Variants in NPR3 observed in about 807,000 individuals in gnomAD.
NPR3 encodes the protein atrial natriuretic peptide receptor 3.
A neutral mutation model predicts 54.5 loss-of-function variants in NPR3; 34 were observed. That is an observed-to-expected ratio of 0.62 (90% confidence interval 0.47 to 0.83). NPR3 has a LOEUF of 0.83. NPR3 is among the 40% of genes least tolerant of loss of function. The pLI, the probability that NPR3 is intolerant of heterozygous loss-of-function variation, is 0.00. For missense variants in NPR3, 674 were observed against 720.8 expected, an observed-to-expected ratio of 0.94 and a Z score of 0.74; for synonymous variants, 289 against 297.1, an observed-to-expected ratio of 0.97 and a Z score of 0.28.
In NPR3 at chr5:32,712,548, G is replaced by T; in HGVS notation, c.769+3G>T. On this transcript the variant is annotated splice_donor_region_variant and intron_variant, in intron 1 of 7. Coordinates refer to ENST00000265074, the MANE Select transcript of NPR3 (RefSeq NM_001204375.2). ...CAATATCCAGGCCAGTGAGAGAGGT[G>T]AGCAGGGGCGCGTCCCGGGCCCCGG... The T allele has an allele frequency of 6.6e-7, 1 of 1,506,964 alleles. No homozygotes were observed. Among genetic ancestry groups the T allele is most frequent in the South Asian group, 1.3e-5 (1 of 75,108 alleles). 93.3% of individuals were successfully genotyped at this position (1,506,964 alleles called of 1,614,324 possible).
chr5:32,694,960 T>G (rs1025970646), intron 1 of NPR3, among the ~76,000 whole-genome samples: 1 of 152,214 alleles, frequency 6.6e-6, no homozygotes, highest in Admixed American at 6.5e-5. Flanking sequence ...ATATTAAGTT[T>G]GTCTTTCCGT....
chr5:32,789,245 G>A lies in NPR3; in HGVS notation c.*2900G>A, dbSNP rs1037119771. The A allele has an allele frequency of 3.0e-6, 1 of 338,816 alleles. No individual in the cohort carries two copies. Among genetic ancestry groups the A allele is most frequent in the Non-Finnish European group, 5.9e-6 (1 of 168,382 alleles). The allele number at this position is 338,816 out of a possible 1,614,324, so 21.0% of individuals were successfully genotyped here. On this transcript the variant is annotated 3_prime_UTR_variant, in exon 8 of 8. Coordinates refer to ENST00000265074, the MANE Select transcript of NPR3 (RefSeq NM_001204375.2). ...AGATGCTTTTTGGTGTTGGAAATAA[G>A]TGTCTGTCTTATGGTCATCATTGTC...
At chr5:32,785,765 C>G (rs1742584966) in intron 7 of NPR3, among the ~76,000 whole-genome samples, 1 of 152,140 alleles carries the variant, frequency 6.6e-6, no homozygotes, top group Non-Finnish European at 1.5e-5. Context: ...GTGGCCCATT[C>G]CTTTGTAATC....
chr5:32,781,129 G>C (rs1446605672), intron 5 of NPR3, among the ~76,000 whole-genome samples: 3 of 152,052 alleles, frequency 2.0e-5, no homozygotes, highest in Non-Finnish European at 4.4e-5. Flanking sequence ...CTGAGGGGGA[G>C]TGGGAGGGTG....
intron 1 of NPR3, among the ~76,000 whole-genome samples, chr5:32,719,004 C>T (rs957860626): frequency 1.3e-5 from 2 of 152,084 alleles, no homozygotes; most frequent in Non-Finnish European, 1.5e-5. Context: ...ATAAATAGCT[C>T]TTAGTATTTT....
chr5:32,716,296 C>T, intron 1 of NPR3: 1 of 402,124 alleles, frequency 2.5e-6, no homozygotes. Context: ...CTCCTACTCT[C>T]CATTTTTCAC....
intron 1 of NPR3, among the ~76,000 whole-genome samples, chr5:32,703,915 A>C (rs1002046159): frequency 6.6e-6 from 1 of 152,216 alleles, no homozygotes; most frequent in African/African-American, 2.4e-5. Context: ...CGCCTAGCAC[A>C]GCACCAGGAC....
Position 32,790,575 on chromosome 5 carries a change from C to T in NPR3, c.*4230C>T, listed in dbSNP as rs940140418. ...TGTGATGTGCATAAACTCCAACAAG[C>T]CTGGCTTTGGTGTTCAGCATGCACA... On this transcript the variant is annotated 3_prime_UTR_variant, in exon 8 of 8. Coordinates refer to ENST00000265074, the MANE Select transcript of NPR3 (RefSeq NM_001204375.2). The T allele has an allele frequency of 6.0e-6, 1 of 166,640 alleles. No homozygotes were observed. Among genetic ancestry groups the T allele is most frequent in the Non-Finnish European group, 1.5e-5 (1 of 68,112 alleles). The allele number at this position is 166,640 out of a possible 1,614,324, so 10.3% of individuals were successfully genotyped here. A position where few individuals can be genotyped will look rare whatever the true frequency, so the allele number is the denominator to read the frequency against.
chr5:32,757,079 C>T (rs894639433), intron 3 of NPR3, among the ~76,000 whole-genome samples: 1 of 152,144 alleles, frequency 6.6e-6, no homozygotes, highest in Non-Finnish European at 1.5e-5. Flanking sequence ...ATTGTGTTGG[C>T]AATGCCAGCT....
chr5:32,782,994 T>C lies in NPR3; in HGVS notation c.1392T>C (p.Ile464=). ...PLKLRIDENR[I]VEHTNSSPCK... is the part of the protein sequence containing the mutation. Reference sequence around the variant, plus strand: ...AACTGAGAATAGATGAAAACCGAATTGTAGAGCATACAAACAGCTCTCCCT... The same window carrying C: ...AACTGAGAATAGATGAAAACCGAATCGTAGAGCATACAAACAGCTCTCCCT... Residue 464 remains isoleucine, a synonymous_variant, in exon 6 of 8, where the codon ATT becomes ATC. Transcript: ENST00000265074. 6.2e-7 allele frequency: 1 copy of C among 1,605,938 alleles called. No homozygotes were observed. Among genetic ancestry groups the C allele is most frequent in the Non-Finnish European group, 8.5e-7 (1 of 1,175,510 alleles).
At chr5:32,754,347 G>GT (rs144883985) in intron 3 of NPR3, among the ~76,000 whole-genome samples, 29,207 of 149,802 alleles carry the variant, frequency 0.19, 3,055 homozygotes, top group Middle Eastern at 0.28. Context: ...ATTGTAAAGG[G>GT]TTTTTTTTTT....
intron 3 of NPR3, among the ~76,000 whole-genome samples, chr5:32,741,764 G>A (rs755459061): frequency 3.4e-5 from 5 of 148,074 alleles, no homozygotes; most frequent in Non-Finnish European, 1.5e-5. Context: ...TTTTAGTGGG[G>A]CTTTTTCTTT....
At chr5:32,736,230 C>CAAAAAAAAAAAAAAAA (rs56211529) in intron 2 of NPR3, among the ~76,000 whole-genome samples, 3 of 65,378 alleles carry the variant, frequency 4.6e-5, no homozygotes, top group African/African-American at 1.6e-4. Flanking sequence ...CACTCTGTCT[C>CAAAAAAAAAAAAAAAA]AAAAAAAAAA....
intron 1 of NPR3, among the ~76,000 whole-genome samples, chr5:32,692,587 G>A (rs989261184): frequency 2.0e-5 from 3 of 152,196 alleles, no homozygotes; most frequent in African/African-American, 7.2e-5. Flanking sequence ...GAATTTTCCT[G>A]ATGTTTTTCT....
Position 32,775,485 on chromosome 5 carries a change from G to A in NPR3, c.1195+642G>A, listed in dbSNP as rs544924928. 3.9e-5 allele frequency among the ~76,000 whole-genome samples: 6 copies of A among 152,190 alleles called. No individual in the cohort carries two copies. The East Asian group carries it at 5.8e-4, about 15-fold the overall frequency. On this transcript the variant is annotated intron_variant, in intron 4 of 7. Coordinates refer to ENST00000265074, the MANE Select transcript of NPR3 (RefSeq NM_001204375.2). The stretch of plus-strand genomic sequence containing the variant: ...AATTTTTGTATTGTTTAGTAGAGAC[G>A]GGGTTTTACCATGTTGGCCAGGTTG...
rs1351050509 is a variant in NPR3, at chr5:32,729,028, TTG to T, written c.892+4210_892+4211del. On this transcript the variant is annotated intron_variant, in intron 2 of 7. Coordinates refer to ENST00000265074, the MANE Select transcript of NPR3 (RefSeq NM_001204375.2). ...TGTGCCTGTGTGTTTTTTTTTTTTT[TTG>T]TTTTGTTTTTTTTTTTTGAGACGGA... 6.3e-3 allele frequency among the ~76,000 whole-genome samples: 588 copies of T among 93,190 alleles called. 42 individuals carry two copies. The highest frequency in any genetic ancestry group is 0.032 in the African/African-American group (552 of 17,462). The allele number at this position is 93,190 out of a possible 152,430, so 61.1% of individuals were successfully genotyped here. A position where few individuals can be genotyped will look rare whatever the true frequency, so the allele number is the denominator to read the frequency against.
intron 3 of NPR3, among the ~76,000 whole-genome samples, chr5:32,747,457 A>G (rs1389070991): frequency 3.9e-5 from 6 of 152,194 alleles, no homozygotes; most frequent in African/African-American, 1.4e-4. Flanking sequence ...GTATTCTACA[A>G]TTACATATCC....
chr5:32,740,412 T>A (rs1266763090), intron 3 of NPR3, among the ~76,000 whole-genome samples: 1 of 152,238 alleles, frequency 6.6e-6, no homozygotes, highest in Non-Finnish European at 1.5e-5. Context: ...TTTATAGGAA[T>A]TTGTTATCAA....
intron 1 of NPR3, among the ~76,000 whole-genome samples, chr5:32,701,654 G>C (rs1170120824): frequency 6.6e-6 from 1 of 152,132 alleles, no homozygotes; most frequent in Admixed American, 6.5e-5. Context: ...CATCCTTCTT[G>C]GGAAGGCTTT....
Sources: gnomAD v4.1 joint callset for allele counts (sites outside exome capture counted in the v4.1 genomes callset) on GRCh38, gnomAD v4.1.1 for gene constraint, MANE v1.5 for transcripts, NCBI Gene and HGNC (gene_info 2026-07-23, HGNC 2026-07-21) for gene names.